Variants in TXNDC16 observed in about 807,000 individuals in gnomAD.
TXNDC16 encodes the protein thioredoxin domain containing 16, also known as thioredoxin domain-containing protein 16.
In TXNDC16, 74 loss-of-function variants were observed where a neutral mutation model predicts 85.6. The observed-to-expected ratio is 0.86, with a 90% CI of 0.72 to 1.05. TXNDC16 has a LOEUF of 1.05. Among genes scored for constraint, TXNDC16 ranks in the 50% least tolerant of loss-of-function variants. The pLI is 0.00. For synonymous variants in TXNDC16, 335 were observed against 326.5 expected, an observed-to-expected ratio of 1.03 and a Z score of -0.28; for missense variants, 959 against 947.0, an observed-to-expected ratio of 1.01 and a Z score of -0.17.
intron 6 of TXNDC16, among the ~76,000 whole-genome samples, chr14:52,525,535 CA>C (rs397853370): frequency 1.2e-3 from 167 of 136,046 alleles, no homozygotes; most frequent in East Asian, 4.0e-3. Context: ...ACTAAAAATA[CA>C]AAAAAAAAAA....
intron 16 of TXNDC16, among the ~76,000 whole-genome samples, chr14:52,459,024 T>C (rs1234719165): frequency 6.6e-6 from 1 of 152,154 alleles, no homozygotes; most frequent in Non-Finnish European, 1.5e-5. Context: ...AAAAACTGTA[T>C]ATATGCCAAA....
chr14:52,540,639 A>G (rs1318229739), intron 4 of TXNDC16, among the ~76,000 whole-genome samples: 1 of 152,138 alleles, frequency 6.6e-6, no homozygotes, highest in East Asian at 1.9e-4. Flanking sequence ...AAAAGAAGAA[A>G]AAAAACTTCT....
At chr14:52,475,837 C>A (rs185579085) in intron 14 of TXNDC16, among the ~76,000 whole-genome samples, 9 of 152,288 alleles carry the variant, frequency 5.9e-5, no homozygotes. Flanking sequence ...CCAATGCTCT[C>A]TTGAAAGTGC....
chr14:52,542,331 G>A (rs1477744519), intron 4 of TXNDC16, 40 bp downstream of exon 4: 2 of 1,330,396 alleles, frequency 1.5e-6, no homozygotes, highest in Non-Finnish European at 2.1e-6. Flanking sequence ...GTTGTAAGAT[G>A]TTCGTCACTA....
chr14:52,529,083 T>C (rs1366179096), intron 6 of TXNDC16, among the ~76,000 whole-genome samples: 1 of 150,244 alleles, frequency 6.7e-6, no homozygotes, highest in Non-Finnish European at 1.5e-5. Flanking sequence ...AACCCAAACG[T>C]CCAACAATGA....
At chr14:52,529,965 T>A (rs2037458623) in intron 6 of TXNDC16, among the ~76,000 whole-genome samples, 1 of 95,444 alleles carries the variant, frequency 1.0e-5, no homozygotes, top group Non-Finnish European at 1.8e-5. Context: ...CATATTATAA[T>A]ACATATAACA....
intron 1 of TXNDC16, among the ~76,000 whole-genome samples, chr14:52,545,686 A>G (rs2037926792): frequency 6.6e-6 from 1 of 152,234 alleles, no homozygotes; most frequent in Admixed American, 6.5e-5. Context: ...AGGACGGTCA[A>G]TGCCAAAACA....
Position 52,482,288 on chromosome 14 carries a change from C to T in TXNDC16, c.1254G>A (p.Trp418Ter). ...GCAAAAATGCCATGGATACTGCTTG[C>T]CCTATATGAAAATTAAAAATTCAAC... is the stretch of plus-strand genomic sequence containing the variant. ...SDSIVLFYAG[W>*]QAVSMAFLQS... The change falls in exon 14 of 21, where the codon TGG becomes TGA. Residue 418 changes from tryptophan (W) to a stop codon, truncating the protein, a stop_gained and splice_region_variant. Transcript: ENST00000281741. LOFTEE classifies it high-confidence loss of function. 6.2e-7 allele frequency: 1 copy of T among 1,610,444 alleles called. No individual in the cohort carries two copies. The highest frequency in any genetic ancestry group is 8.5e-7 in the Non-Finnish European group (1 of 1,178,488).
At chr14:52,551,096 G>T (rs1055418381) in intron 1 of TXNDC16, among the ~76,000 whole-genome samples, 2 of 152,096 alleles carry the variant, frequency 1.3e-5, no homozygotes, top group East Asian at 3.9e-4. Flanking sequence ...ACAGTGCTAG[G>T]CCTGTACATC....
At chr14:52,442,745 C>G (rs539775234) in intron 18 of TXNDC16, among the ~76,000 whole-genome samples, 19 of 152,138 alleles carry the variant, frequency 1.2e-4, no homozygotes, top group Non-Finnish European at 1.5e-5. Context: ...ATTGACAGAT[C>G]TTTTATTGAA....
chr14:52,530,247 A>ATATTATATAATAAT (rs1491407146), intron 6 of TXNDC16, among the ~76,000 whole-genome samples: 2 of 45,964 alleles, frequency 4.4e-5, no homozygotes, highest in African/African-American at 2.8e-4. Context: ...AATAATATAT[A>ATATTATATAATAAT]ATATATATTA....
rs754713224 is a variant in TXNDC16 at position 52,519,228 on chromosome 14, G to T, written c.458C>A (p.Ala153Asp). 1.2e-6 allele frequency: 2 copies of T among 1,608,152 alleles called. No homozygotes were observed. Among genetic ancestry groups the T allele is most frequent in the Non-Finnish European group, 1.7e-6 (2 of 1,175,976 alleles). ...TATAATATTTGCTTTTCCTTTCAGA[G>T]CATTTTCTATGTTCTGAAGGTCTTC... ...NLEDLQNIEN[A>D]LKGKANIIFS... The change falls in exon 7 of 21, where the codon GCT becomes GAT. Residue 153 changes from alanine to aspartate, a missense_variant. Physicochemically the swap from Ala to Asp is moderately radical, Grantham distance 126. Coordinates refer to ENST00000281741, the MANE Select transcript of TXNDC16 (RefSeq NM_020784.3).
At chr14:52,435,313 C>T (rs570782643) in intron 20 of TXNDC16, among the ~76,000 whole-genome samples, 3 of 146,768 alleles carry the variant, frequency 2.0e-5, no homozygotes, top group South Asian at 2.1e-4. Context: ...CCTAGCTACA[C>T]ATAATCTTGA....
At chr14:52,465,516 T>A (rs2035752721) in intron 16 of TXNDC16, among the ~76,000 whole-genome samples, 1 of 142,444 alleles carries the variant, frequency 7.0e-6, no homozygotes, top group Non-Finnish European at 1.5e-5. Context: ...GGCGTGAACC[T>A]GGGAGGCCGA....
chr14:52,533,190 C>T (rs1367348139), intron 6 of TXNDC16, among the ~76,000 whole-genome samples: 1 of 152,112 alleles, frequency 6.6e-6, no homozygotes, highest in African/African-American at 2.4e-5. Flanking sequence ...GGACTTTCCA[C>T]TTGCTAAAGT....
intron 4 of TXNDC16, among the ~76,000 whole-genome samples, chr14:52,538,490 G>A (rs956951094): frequency 6.6e-6 from 1 of 152,166 alleles, no homozygotes; most frequent in Non-Finnish European, 1.5e-5. Context: ...GAGTTTAAAA[G>A]AATATCACAT....
At chr14:52,498,596 G>A (rs1047961445) in intron 9 of TXNDC16, among the ~76,000 whole-genome samples, 2 of 151,818 alleles carry the variant, frequency 1.3e-5, no homozygotes, top group African/African-American at 4.8e-5. Context: ...AAAATACTTT[G>A]GAATAAATTG....
rs556391718 is a variant in TXNDC16 at position 52,450,288 on chromosome 14, T to C, written c.1842+5036A>G. On this transcript the variant is annotated intron_variant, in intron 18 of 20. Transcript: ENST00000281741. ...TAGCAGAAATTCAAAAGGTCATTAG[T>C]AGCTACTATGAGCAACTATATGCCA... Among the ~76,000 whole-genome samples the C allele has an allele frequency of 3.0e-4, 45 of 152,098 alleles. 1 individual carries two copies. The Middle Eastern group carries it at 0.02, about 69-fold the overall frequency.
intron 3 of TXNDC16, 55 bp downstream of exon 3, chr14:52,543,343 T>C: frequency 6.5e-7 from 1 of 1,544,636 alleles, no homozygotes; most frequent in Non-Finnish European, 8.8e-7. Context: ...AACTTACTGA[T>C]TAAATAGCAA....
Sources: gnomAD v4.1 joint callset for allele counts (sites outside exome capture counted in the v4.1 genomes callset) on GRCh38, gnomAD v4.1.1 for gene constraint, MANE v1.5 for transcripts, NCBI Gene and HGNC (gene_info 2026-07-23, HGNC 2026-07-21) for gene names.